APOO: variants seen among roughly 807,000 people sequenced by gnomAD.
The protein encoded by APOO is MICOS complex subunit MIC26.
In APOO, 11 loss-of-function variants were observed where a neutral mutation model predicts 23.1. The observed-to-expected ratio is 0.48, with a 90% confidence interval of 0.30 to 0.79. The LOEUF (loss-of-function observed/expected upper bound fraction) is 0.79, where lower values mean the gene tolerates loss of function less well. Among genes scored for constraint, APOO ranks in the 30% least tolerant of loss-of-function variants. APOO has a pLI of 0.07. For missense variants in APOO, 160 were observed against 142.7 expected (o/e 1.12, Z -0.62); for synonymous variants, 59 against 54.8 (o/e 1.08, Z -0.34).
chrX:23,878,303 AGCCCCTCTGCTCTCTAGTTAAG>A (rs1925950130), intron 3 of APOO, among the ~76,000 whole-genome samples: 1 of 111,980 alleles, frequency 8.9e-6, no homozygotes, highest in Non-Finnish European at 1.9e-5. Flanking sequence ...GGTAGTTCCT[AGCCCCTCTGCTCTCTAGTTAAG>A]GCGTTACGCA....
rs768907084 is a variant in APOO at position 23,907,546 on chromosome X, CGCGGGGCCGGGACGCAGCCGGCCCAGTG to C, written c.9+120_9+147del. 424 of 608,188 alleles carry C rather than the reference CGCGGGGCCGGGACGCAGCCGGCCCAGTG, an allele frequency of 7.0e-4. 1 individual carries two copies. Among genetic ancestry groups the C allele is most frequent in the Non-Finnish European group, 8.6e-4 (368 of 426,806 alleles). The allele number at this position is 608,188 out of a possible 1,213,427, so 50.1% of individuals were successfully genotyped here. On this transcript the variant is annotated intron_variant, in intron 1 of 8. Transcript: ENST00000379226. ...ATCCCCAGTAGACCAGTGAATGAAC[CGCGGGGCCGGGACGCAGCCGGCCCAGTG>C]GCGGGAAAAGCCTCGGGGTGAGCCA...
chrX:23,840,436 A>T, intron 7 of APOO, 59 bp from the exon 8 acceptor site: 1 of 1,019,446 alleles, frequency 9.8e-7, no homozygotes, highest in South Asian at 2.2e-5. Context: ...GCAACTCCTT[A>T]GTGTCCTGAG....
At chrX:23,907,335 C>A (rs1282834497) in intron 1 of APOO, among the ~76,000 whole-genome samples, 4 of 111,495 alleles carry the variant, frequency 3.6e-5, no homozygotes, top group African/African-American at 9.8e-5. Flanking sequence ...CAACTAAAGC[C>A]GCGAACCCCA....
chrX:23,884,517 C>T (rs890861606), intron 1 of APOO, among the ~76,000 whole-genome samples: 3 of 111,815 alleles, frequency 2.7e-5, no homozygotes, highest in African/African-American at 9.8e-5. Flanking sequence ...AATATGTGTA[C>T]ATTGTGGAAT....
intron 4 of APOO, among the ~76,000 whole-genome samples, chrX:23,869,010 G>A (rs183630252): frequency 9.3e-6 from 1 of 107,751 alleles, no homozygotes; most frequent in Non-Finnish European, 1.9e-5. Context: ...CCAGGTTCAA[G>A]CAATTCTCCT....
At chrX:23,862,810 G>A (rs761757839) in intron 5 of APOO, among the ~76,000 whole-genome samples, 2 of 88,313 alleles carry the variant, frequency 2.3e-5, no homozygotes, top group South Asian at 6.7e-4. Context: ...AGAAAGGGAC[G>A]GGACGAGAAG....
intron 7 of APOO, among the ~76,000 whole-genome samples, chrX:23,849,658 G>A (rs997539380): frequency 9.9e-6 from 1 of 101,270 alleles, no homozygotes; most frequent in East Asian, 3.5e-4. Flanking sequence ...TTGGGAGGCC[G>A]AGGCAGGTGG....
In APOO at chrX:23,907,716, G is replaced by C; in HGVS notation, c.-14C>G. 1 of 1,160,336 alleles carries C rather than the reference G, an allele frequency of 8.6e-7. No individual in the cohort carries two copies. The highest frequency in any genetic ancestry group is 1.1e-6 in the Non-Finnish European group (1 of 870,508). On this transcript the variant is annotated 5_prime_UTR_variant, in exon 1 of 9. Transcript: ENST00000379226. Reference sequence around the variant, plus strand: ...CACCTTGAACATGTCGCTGGCAGCGGAGGCTCCGGCAGGGTCACCCCGGCC... The same window carrying C: ...CACCTTGAACATGTCGCTGGCAGCGCAGGCTCCGGCAGGGTCACCCCGGCC...
intron 8 of APOO, chrX:23,836,937 C>T: frequency 8.3e-7 from 1 of 1,200,633 alleles, no homozygotes; most frequent in Non-Finnish European, 1.1e-6. Flanking sequence ...CACCTGGTCT[C>T]ATCCGAACCC....
At chrX:23,881,563 TAAAAAAAAAAAAAAAAA>T (rs60466764) in intron 1 of APOO, among the ~76,000 whole-genome samples, 1 of 9,174 alleles carries the variant, frequency 1.1e-4, no homozygotes, top group Non-Finnish European at 1.5e-4. Context: ...ATCGCTCCAC[TAAAAAAAAAAAAAAAAA>T]AAAAAAAAAA....
At position 23,856,160 on chromosome X, in the gene APOO, A is replaced by T. The variant is rs1924774161; in HGVS notation, c.561+142T>A. 3 of 590,887 alleles carry T rather than the reference A, an allele frequency of 5.1e-6. No homozygotes were observed. The African/African-American group carries it at 6.9e-5, about 14-fold the overall frequency. The allele number at this position is 590,887 out of a possible 1,213,427, so 48.7% of individuals were successfully genotyped here. ...TTCTACTGCTCTACCAAGAAAGGTC[A>T]CCTGAAAAATCTGAGCTGGAGACAG... On this transcript the variant is annotated intron_variant, in intron 7 of 8. Coordinates refer to ENST00000379226, the MANE Select transcript of APOO (RefSeq NM_024122.5).
At position 23,895,441 on chromosome X, in the gene APOO, T is replaced by C. The variant is rs936429896; in HGVS notation, c.9+12253A>G. Among the ~76,000 whole-genome samples the C allele has an allele frequency of 2.7e-5, 3 of 111,210 alleles. No individual in the cohort carries two copies. The East Asian group carries it at 8.5e-4, about 31-fold the overall frequency. On this transcript the variant is annotated intron_variant, in intron 1 of 8. Transcript: ENST00000379226. ...CACATGTTCTCACTCATAAGTGGGATTGAACAATGATAACACATGGAAGGG... is the reference window on the plus strand; with the variant it reads ...CACATGTTCTCACTCATAAGTGGGACTGAACAATGATAACACATGGAAGGG...
At chrX:23,842,223 T>C (rs60405900) in intron 7 of APOO, among the ~76,000 whole-genome samples, 2,789 of 110,337 alleles carry the variant, frequency 0.025, 79 homozygotes, top group African/African-American at 0.085. Flanking sequence ...ATCCTGTCTC[T>C]AAAAAAAATA....
At chrX:23,837,515 G>T (rs1011586913) in intron 8 of APOO, among the ~76,000 whole-genome samples, 1 of 109,956 alleles carries the variant, frequency 9.1e-6, no homozygotes, top group Non-Finnish European at 1.9e-5. Flanking sequence ...ACAGTAAAAA[G>T]AAAGTTTTCT....
intron 3 of APOO, among the ~76,000 whole-genome samples, chrX:23,876,679 G>C (rs1478423178): frequency 3.6e-5 from 4 of 110,777 alleles, no homozygotes; most frequent in Non-Finnish European, 7.6e-5. Flanking sequence ...CACGCCTGTA[G>C]TCCCAGCCAC....
chrX:23,840,359 A>G lies in APOO; in HGVS notation c.580T>C (p.Ser194Pro). 8.3e-7 allele frequency: 1 copy of G among 1,201,729 alleles called. No homozygotes were observed. The highest frequency in any genetic ancestry group is 1.1e-6 in the Non-Finnish European group (1 of 891,329). The change falls in exon 8 of 9, where the codon TCA (serine) becomes CCA (proline). Residue 194 changes from serine to proline, a missense_variant. Physicochemically the swap from Ser to Pro is moderately conservative, Grantham distance 74. Coordinates refer to ENST00000379226, the MANE Select transcript of APOO (RefSeq NM_024122.5). The stretch of plus-strand genomic sequence containing the variant: ...GGAGTTTTCTACTTAGTTCCAGGTG[A>G]ATTCTTCACATTTCCTGGCTTTTAA... ...NFQKPGNVKN[S>P]PGTK
chrX:23,840,938 C>T (rs1390694041), intron 7 of APOO: 1 of 111,836 alleles, frequency 8.9e-6, no homozygotes, highest in African/African-American at 3.2e-5. Flanking sequence ...ATAATTAGGC[C>T]ATGTAATCCA....
chrX:23,836,907 T>C (rs1251784538), intron 8 of APOO: 25 of 1,104,013 alleles, frequency 2.3e-5, no homozygotes, highest in East Asian at 3.1e-5. Flanking sequence ...CTTTCTGGGC[T>C]TGAGATACTG....
chrX:23,898,519 G>T (rs375751307), intron 1 of APOO, among the ~76,000 whole-genome samples: 1 of 111,040 alleles, frequency 9.0e-6, no homozygotes, highest in Non-Finnish European at 1.9e-5. Flanking sequence ...CTTCTTTAAG[G>T]AAAACTGTAA....
Sources: gnomAD v4.1 joint callset for allele counts (sites outside exome capture counted in the v4.1 genomes callset) on GRCh38, gnomAD v4.1.1 for gene constraint, MANE v1.5 for transcripts, NCBI Gene and HGNC (gene_info 2026-07-23, HGNC 2026-07-21) for gene names.